GTSE1: variants seen among roughly 807,000 people sequenced by gnomAD.
GTSE1 encodes G2 and S-phase expressed 1.
GTSE1 carries 52 observed loss-of-function variants against 60.5 expected under a neutral mutation model. That is an observed-to-expected ratio of 0.86 (90% CI 0.69 to 1.08). GTSE1 has a LOEUF of 1.08. Ranked by LOEUF, GTSE1 falls within the 50% of genes least tolerant of loss-of-function variation. The probability of loss-of-function intolerance (pLI) is 0.00; values close to 1 mark genes in which losing one functional copy is unlikely to be tolerated. For synonymous variants in GTSE1, 368 were observed against 386.5 expected (o/e 0.95, Z 0.56); for missense variants, 937 against 961.8 (o/e 0.97, Z 0.34).
rs776690982 is a variant in GTSE1 at position 46,314,359 on chromosome 22, G to A, written c.1051+346G>A. Reference sequence around the variant, plus strand: ...AAATAGGACTATTCCAGATAATGTAGGGCATATGGCCCCATAACTCCTGGG... The same window carrying A: ...AAATAGGACTATTCCAGATAATGTAAGGCATATGGCCCCATAACTCCTGGG... On this transcript the variant is annotated intron_variant, in intron 6 of 11. Coordinates refer to ENST00000454366, the MANE Select transcript of GTSE1 (RefSeq NM_016426.7). The surrounding 1 kb of genome is among the most constrained non-coding windows in gnomAD (Gnocchi z 7.1). Among the ~76,000 whole-genome samples the A allele has an allele frequency of 6.6e-6, 1 of 152,186 alleles. No homozygotes were observed. Among genetic ancestry groups the A allele is most frequent in the Non-Finnish European group, 1.5e-5 (1 of 68,036 alleles).
At position 46,297,392 on chromosome 22, in the gene GTSE1, G is replaced by GCT. The variant is rs2077663152; in HGVS notation, c.-3_-2dup. 1 of 1,607,766 alleles carries GCT rather than the reference G, an allele frequency of 6.2e-7. No individual in the cohort carries two copies. Among genetic ancestry groups the GCT allele is most frequent in the South Asian group, 1.1e-5 (1 of 90,958 alleles). Reference sequence around the variant, plus strand: ...TTCCACCCTGCAGTGACTTCTGACAGCTCTCTCCATGGAAGGAGGCGGCGG... The same window carrying GCT: ...TTCCACCCTGCAGTGACTTCTGACAGCTCTCTCTCCATGGAAGGAGGCGGCGG... On this transcript the variant is annotated 5_prime_UTR_variant, in exon 2 of 12. Transcript: ENST00000454366. The surrounding 1 kb of genome is among the most constrained non-coding windows in gnomAD (Gnocchi z 4.9).
chr22:46,305,366 T>C (rs1016294231), intron 2 of GTSE1, among the ~76,000 whole-genome samples: 7 of 152,092 alleles, frequency 4.6e-5, no homozygotes, highest in African/African-American at 1.7e-4. Flanking sequence ...TCCCAGCACT[T>C]TGGAAGGCCG....
chr22:46,312,764 G>A (rs1238834456), intron 5 of GTSE1, among the ~76,000 whole-genome samples: 1 of 152,158 alleles, frequency 6.6e-6, no homozygotes, highest in Non-Finnish European at 1.5e-5. Flanking sequence ...CCTGGGAGCT[G>A]TGTGGGTTGG....
At position 46,313,821 on chromosome 22, in the gene GTSE1, T is replaced by A. The variant is rs1281591906; in HGVS notation, c.928-69T>A. On this transcript the variant is annotated intron_variant, in intron 5 of 11. Coordinates refer to ENST00000454366, the MANE Select transcript of GTSE1 (RefSeq NM_016426.7). This position sits in a 1 kb window ranked among gnomAD's most constrained non-coding sequence, Gnocchi z 4.4. ...CGTGCCCAGCCAAAAACCCCTTACT[T>A]TTGCAGACACAAGTAATAGGTAAAT... The A allele has an allele frequency of 2.7e-5, 43 of 1,588,380 alleles. No individual in the cohort carries two copies. Among genetic ancestry groups the A allele is most frequent in the Admixed American group, 3.4e-5 (2 of 59,520 alleles).
At position 46,313,743 on chromosome 22, in the gene GTSE1, G is replaced by C. The variant is rs2077762072; in HGVS notation, c.928-147G>C. 1.4e-6 allele frequency: 1 copy of C among 727,152 alleles called. No homozygotes were observed. Among genetic ancestry groups the C allele is most frequent in the Non-Finnish European group, 2.3e-6 (1 of 439,322 alleles). The allele number at this position is 727,152 out of a possible 1,614,324, so 45.0% of individuals were successfully genotyped here. A position where few individuals can be genotyped will look rare whatever the true frequency, so the allele number is the denominator to read the frequency against. ...AGGCTGGTCTCAAACTCCTGACCTT[G>C]TGATCCTCCGGCCTCAGCCTCCCAA... On this transcript the variant is annotated intron_variant, in intron 5 of 11. Coordinates refer to ENST00000454366, the MANE Select transcript of GTSE1 (RefSeq NM_016426.7). This position sits in a 1 kb window ranked among gnomAD's most constrained non-coding sequence, Gnocchi z 4.4.
intron 2 of GTSE1, among the ~76,000 whole-genome samples, chr22:46,299,038 T>C (rs1308813599): frequency 6.6e-6 from 1 of 152,268 alleles, no homozygotes; most frequent in Non-Finnish European, 1.5e-5. Context: ...TTCAAGCTGC[T>C]TTCATCAGTC....
Position 46,309,035 on chromosome 22 carries a change from T to A in GTSE1, c.762+92T>A. The A allele has an allele frequency of 7.2e-7, 1 of 1,398,368 alleles. No individual in the cohort carries two copies. The highest frequency in any genetic ancestry group is 9.7e-7 in the Non-Finnish European group (1 of 1,032,658). The allele number at this position is 1,398,368 out of a possible 1,614,324, so 86.6% of individuals were successfully genotyped here. ...AGCCACATGCGGAAAGCCTCAGAGG[T>A]GGCGAGTCTCTGAGGCCTACAAAAC... On this transcript the variant is annotated intron_variant, in intron 4 of 11. Transcript: ENST00000454366. The surrounding 1 kb of genome is among the most constrained non-coding windows in gnomAD (Gnocchi z 6.2).
rs184980288 is a variant in GTSE1 at position 46,306,196 on chromosome 22, T to A, written c.80-1954T>A. Reference sequence around the variant, plus strand: ...GTTATTTTTATTTATTTATTTATTTTTTTGAGACAGAGTCTCACTCAGTCA... The same window carrying A: ...GTTATTTTTATTTATTTATTTATTTATTTGAGACAGAGTCTCACTCAGTCA... On this transcript the variant is annotated intron_variant, in intron 2 of 11. Coordinates refer to ENST00000454366, the MANE Select transcript of GTSE1 (RefSeq NM_016426.7). Among the ~76,000 whole-genome samples the A allele has an allele frequency of 2.6e-4, 39 of 152,340 alleles. No individual in the cohort carries two copies. In the East Asian group the frequency reaches 7.1e-3, roughly 28 times the overall value.
Position 46,297,489 on chromosome 22 carries a change from T to G in GTSE1, c.79+10T>G. On this transcript the variant is annotated intron_variant, in intron 2 of 11. Transcript: ENST00000454366. This position sits in a 1 kb window ranked among gnomAD's most constrained non-coding sequence, Gnocchi z 4.9. Reference sequence around the variant, plus strand: ...GACCCTAAGAAGGAAGGCAAGTCCTTGCTGCTGCGGCGCTGTTGTTGTTCA... The same window carrying G: ...GACCCTAAGAAGGAAGGCAAGTCCTGGCTGCTGCGGCGCTGTTGTTGTTCA... 6.3e-7 allele frequency: 1 copy of G among 1,590,424 alleles called. No individual in the cohort carries two copies. The highest frequency in any genetic ancestry group is 8.6e-7 in the Non-Finnish European group (1 of 1,158,970).
Position 46,320,758 on chromosome 22 carries a change from G to T in GTSE1, c.1433-2432G>T, listed in dbSNP as rs1344724788. On this transcript the variant is annotated intron_variant, in intron 7 of 11. Coordinates refer to ENST00000454366, the MANE Select transcript of GTSE1 (RefSeq NM_016426.7). This position sits in a 1 kb window ranked among gnomAD's most constrained non-coding sequence, Gnocchi z 7.1. ...ACTTGGAATTCTGGCTGTGGGCTTT[G>T]CCTCCCCGGTACTGGGAGCTGCAGT... Among the ~76,000 whole-genome samples the T allele has an allele frequency of 6.6e-6, 1 of 152,184 alleles. No individual in the cohort carries two copies. The highest frequency in any genetic ancestry group is 1.5e-5 in the Non-Finnish European group (1 of 68,028).
Position 46,319,188 on chromosome 22 carries a change from C to T in GTSE1, c.1432+2776C>T, listed in dbSNP as rs2077798180. Among the ~76,000 whole-genome samples the T allele has an allele frequency of 6.6e-6, 1 of 152,194 alleles. No homozygotes were observed. Among genetic ancestry groups the T allele is most frequent in the Non-Finnish European group, 1.5e-5 (1 of 68,034 alleles). On this transcript the variant is annotated intron_variant, in intron 7 of 11. Coordinates refer to ENST00000454366, the MANE Select transcript of GTSE1 (RefSeq NM_016426.7). This position sits in a 1 kb window ranked among gnomAD's most constrained non-coding sequence, Gnocchi z 5.0. The stretch of plus-strand genomic sequence containing the variant: ...ATGAAGATGGAGGGGCAGCCCGAGG[C>T]CGGCTCCCAGAGCGCCGCGTGACCA...
At chr22:46,327,784 G>A in intron 9 of GTSE1, among the ~76,000 whole-genome samples, 1 of 152,206 alleles carries the variant, frequency 6.6e-6, no homozygotes, top group East Asian at 1.9e-4. Context: ...ACCAACAGTA[G>A]GTGTTGACAC....
rs977334734 is a variant in GTSE1 at position 46,297,596 on chromosome 22, G to C, written c.79+117G>C. The C allele has an allele frequency of 2.7e-5, 19 of 711,012 alleles. No homozygotes were observed. Among genetic ancestry groups the C allele is most frequent in the Non-Finnish European group, 4.1e-5 (17 of 411,750 alleles). The allele number at this position is 711,012 out of a possible 1,614,324, so 44.0% of individuals were successfully genotyped here. A position where few individuals can be genotyped will look rare whatever the true frequency, so the allele number is the denominator to read the frequency against. ...AGTGCTCGACTTGTACTCTGCACCT[G>C]TGAAACACATGACATCTGCCTTCGT... On this transcript the variant is annotated intron_variant, in intron 2 of 11. Transcript: ENST00000454366. The surrounding 1 kb of genome is among the most constrained non-coding windows in gnomAD (Gnocchi z 4.9).
Position 46,324,220 on chromosome 22 carries a change from T to C in GTSE1, c.1505+958T>C, listed in dbSNP as rs1317892805. Among the ~76,000 whole-genome samples, 1 of 152,154 alleles carries C rather than the reference T, an allele frequency of 6.6e-6. No homozygotes were observed. The highest frequency in any genetic ancestry group is 1.5e-5 in the Non-Finnish European group (1 of 68,024). On this transcript the variant is annotated intron_variant, in intron 8 of 11. Coordinates refer to ENST00000454366, the MANE Select transcript of GTSE1 (RefSeq NM_016426.7). The surrounding 1 kb of genome is among the most constrained non-coding windows in gnomAD (Gnocchi z 5.2). ...CCCTCACGTGCTGCGCATGGTGCCATGCTAAGCTGCCGTCCCTCCCATGCA... is the reference window on the plus strand; with the variant it reads ...CCCTCACGTGCTGCGCATGGTGCCACGCTAAGCTGCCGTCCCTCCCATGCA...
chr22:46,297,575 C>G lies in GTSE1; in HGVS notation c.79+96C>G. On this transcript the variant is annotated intron_variant, in intron 2 of 11. Coordinates refer to ENST00000454366, the MANE Select transcript of GTSE1 (RefSeq NM_016426.7). This position sits in a 1 kb window ranked among gnomAD's most constrained non-coding sequence, Gnocchi z 4.9. ...TCCCTGAGAAATTCTTTCTCAAGTG[C>G]TCGACTTGTACTCTGCACCTGTGAA... 3.5e-6 allele frequency: 3 copies of G among 867,980 alleles called. No homozygotes were observed. Among genetic ancestry groups the G allele is most frequent in the South Asian group, 3.0e-5 (2 of 65,972 alleles). 53.8% of individuals were successfully genotyped at this position (867,980 alleles called of 1,614,324 possible). A position where few individuals can be genotyped will look rare whatever the true frequency, so the allele number is the denominator to read the frequency against.
At chr22:46,328,580 C>T (rs2077856989) in intron 9 of GTSE1, 108 bp from the exon 10 acceptor site, 12 of 793,170 alleles carry the variant, frequency 1.5e-5, no homozygotes, top group Admixed American at 1.1e-4. Flanking sequence ...AGAGCCGGGA[C>T]GCACTCCACC....
At chr22:46,300,261 C>T (rs899394752) in intron 2 of GTSE1, among the ~76,000 whole-genome samples, 9 of 152,014 alleles carry the variant, frequency 5.9e-5, no homozygotes, top group African/African-American at 2.2e-4. Context: ...CCGTGCCCAG[C>T]TAAGTTTTGT....
intron 2 of GTSE1, among the ~76,000 whole-genome samples, chr22:46,307,651 C>T (rs533650438): frequency 2.6e-5 from 4 of 152,188 alleles, no homozygotes; most frequent in South Asian, 2.1e-4. Context: ...TACAGGTGTG[C>T]GCTACCATGC....
chr22:46,308,298 A>G (rs781038534), intron 3 of GTSE1, 21 bp from the exon 4 acceptor site: 5 of 1,610,474 alleles, frequency 3.1e-6, no homozygotes, highest in East Asian at 2.2e-5. Context: ...GTTATTAATC[A>G]TTCTTTTTTT....
Sources: allele counts gnomAD v4.1 joint callset (sites outside exome capture counted in the v4.1 genomes callset), GRCh38; gene constraint gnomAD v4.1.1; non-coding constraint Gnocchi (gnomAD v3.1); transcripts MANE v1.5; gene names NCBI Gene and HGNC (gene_info 2026-07-23, HGNC 2026-07-21).